BEGAIN: variants seen among roughly 807,000 people sequenced by gnomAD.
The protein encoded by BEGAIN is brain enriched guanylate kinase associated.
BEGAIN carries 19 observed loss-of-function variants against 35.8 expected under a neutral mutation model. That is an observed-to-expected ratio of 0.53 (90% CI 0.37 to 0.78). The LOEUF (loss-of-function observed/expected upper bound fraction) is 0.78, where lower values mean the gene tolerates loss of function less well. BEGAIN is among the 30% of genes least tolerant of loss of function. The probability of loss-of-function intolerance (pLI) is 0.00; values close to 1 mark genes in which losing one functional copy is unlikely to be tolerated. For missense variants in BEGAIN, 795 were observed against 853.6 expected (o/e 0.93, Z 0.85); for synonymous variants, 462 against 388.6 (o/e 1.19, Z -2.22).
intron 2 of BEGAIN, 101 bp from the exon 3 acceptor site, chr14:100,546,763 GGCGCGCGC>G (rs145452191): frequency 1.5e-4 from 110 of 746,952 alleles, no homozygotes; most frequent in African/African-American, 2.0e-4. Context: ...CGCGAGTACC[GGCGCGCGC>G]GCGCGCGCGC....
intron 2 of BEGAIN, among the ~76,000 whole-genome samples, chr14:100,565,976 A>G (rs952490201): frequency 6.6e-6 from 1 of 152,204 alleles, no homozygotes; most frequent in African/African-American, 2.4e-5. Flanking sequence ...TCTGAATCCC[A>G]GGCACCAAAT....
At chr14:100,560,173 C>T (rs1254382660) in intron 2 of BEGAIN, among the ~76,000 whole-genome samples, 2 of 152,226 alleles carry the variant, frequency 1.3e-5, no homozygotes, top group Admixed American at 6.5e-5. Flanking sequence ...GGCACTCAAG[C>T]TCTCAGAGCC....
chr14:100,540,864 G>A lies in BEGAIN; in HGVS notation c.409-285C>T, dbSNP rs1028905161. ...AGATGGGAACCTCCCACAAGGTGGGGGGCAGTGGTAGAAGAAGGAGCCCCA... is the reference window on the plus strand; with the variant it reads ...AGATGGGAACCTCCCACAAGGTGGGAGGCAGTGGTAGAAGAAGGAGCCCCA... On this transcript the variant is annotated intron_variant, in intron 5 of 6. Coordinates refer to ENST00000554140, the MANE Select transcript of BEGAIN (RefSeq NM_001385089.1). 3.3e-5 allele frequency among the ~76,000 whole-genome samples: 5 copies of A among 152,250 alleles called. No homozygotes were observed. The South Asian group carries it at 8.3e-4, about 25-fold the overall frequency.
In BEGAIN at chr14:100,539,116, C is replaced by A; in HGVS notation, c.692G>T (p.Gly231Val). The change falls in exon 7 of 7, where the codon GGG (glycine) becomes GTG (valine). Residue 231 changes from glycine (G) to valine (V), a missense_variant. By Grantham distance (109) the Gly-to-Val change is moderately radical (BLOSUM62 -3). This residue lies in a region of BEGAIN where 664 missense variants were observed against 647.7 expected (regional missense o/e 1.03). Coordinates refer to ENST00000554140, the MANE Select transcript of BEGAIN (RefSeq NM_001385089.1). ...ASARDLAFCDGVEKPGPRPPY... is the reference protein window; with the variant it reads ...ASARDLAFCDVVEKPGPRPPY... ...GGGCCGCGGGCCTGGTTTCTCCACC[C>A]CGTCGCAGAAGGCCAGGTCGCGGGC... 1 of 1,607,866 alleles carries A rather than the reference C, an allele frequency of 6.2e-7. No individual in the cohort carries two copies. The highest frequency in any genetic ancestry group is 8.5e-7 in the Non-Finnish European group (1 of 1,176,078).
At chr14:100,582,647 T>G (rs1172959337) in intron 1 of BEGAIN, among the ~76,000 whole-genome samples, 1 of 152,102 alleles carries the variant, frequency 6.6e-6, no homozygotes, top group Non-Finnish European at 1.5e-5. Context: ...AGATAGGACA[T>G]GTACACAGCT....
intron 5 of BEGAIN, among the ~76,000 whole-genome samples, chr14:100,542,807 C>T (rs10150445): frequency 2.6e-5 from 4 of 152,246 alleles, no homozygotes; most frequent in Admixed American, 1.3e-4. Context: ...CTCGTCCCTA[C>T]AGCCTGTTTC....
At chr14:100,561,348 C>T (rs2034237434) in intron 2 of BEGAIN, among the ~76,000 whole-genome samples, 1 of 152,208 alleles carries the variant, frequency 6.6e-6, no homozygotes, top group African/African-American at 2.4e-5. Context: ...GCTCACAAGC[C>T]AGGTGCATGA....
intron 1 of BEGAIN, among the ~76,000 whole-genome samples, chr14:100,574,932 T>TA (rs2035170806): frequency 6.6e-6 from 1 of 152,330 alleles, no homozygotes; most frequent in South Asian, 2.1e-4. Context: ...TGTTCTCAGA[T>TA]AAACATTGGA....
At chr14:100,575,348 C>T (rs1233320859) in intron 1 of BEGAIN, among the ~76,000 whole-genome samples, 1 of 152,190 alleles carries the variant, frequency 6.6e-6, no homozygotes, top group Non-Finnish European at 1.5e-5. Context: ...GAAGGGCTGG[C>T]ATCGCTATCT....
intron 2 of BEGAIN, chr14:100,549,968 G>A (rs942510342): frequency 6.5e-6 from 1 of 153,524 alleles, no homozygotes; most frequent in African/African-American, 2.4e-5. Flanking sequence ...CACCCTTCCA[G>A]GCCTGGGGGC....
chr14:100,557,390 C>T (rs1314785772), intron 2 of BEGAIN, among the ~76,000 whole-genome samples: 1 of 152,228 alleles, frequency 6.6e-6, no homozygotes, highest in Non-Finnish European at 1.5e-5. Context: ...CTGCTAGAGG[C>T]AGGAGGGGAG....
chr14:100,546,762 C>A (rs531180478), intron 2 of BEGAIN, 100 bp from the exon 3 acceptor site: 1 of 1,050,302 alleles, frequency 9.5e-7, no homozygotes, highest in Non-Finnish European at 1.3e-6. Flanking sequence ...ACGCGAGTAC[C>A]GGCGCGCGCG....
intron 2 of BEGAIN, among the ~76,000 whole-genome samples, chr14:100,552,397 A>AGT (rs756706732): frequency 5.9e-5 from 9 of 152,192 alleles, no homozygotes; most frequent in Non-Finnish European, 1.2e-4. Context: ...TGTGGCGTGG[A>AGT]GGGCATCCCA....
Position 100,538,046 on chromosome 14 carries a change from G to C in BEGAIN, c.1762C>G (p.Pro588Ala). ...AARLSPQQAF[P>A]RTGGSGLSRK... Reference sequence around the variant, plus strand: ...CTCAGCCCCGAGCCACCAGTCCGCGGAAAGGCCTGCTGGGGGCTGAGGCGG... The same window carrying C: ...CTCAGCCCCGAGCCACCAGTCCGCGCAAAGGCCTGCTGGGGGCTGAGGCGG... Residue 588 changes from proline (P) to alanine (A), a missense_variant, in exon 7 of 7, where the codon CCG becomes GCG. Transcript: ENST00000554140. 6.2e-7 allele frequency: 1 copy of C among 1,607,872 alleles called. No homozygotes were observed. Among genetic ancestry groups the C allele is most frequent in the Non-Finnish European group, 8.5e-7 (1 of 1,178,112 alleles).
In BEGAIN at chr14:100,538,496, G is replaced by A. The variant is rs2030967090; in HGVS notation, c.1312C>T (p.Arg438Cys). 2 of 1,541,254 alleles carry A rather than the reference G, an allele frequency of 1.3e-6. No homozygotes were observed. Among genetic ancestry groups the A allele is most frequent in the East Asian group, 2.3e-5 (1 of 43,852 alleles). Residue 438 changes from arginine to cysteine, a missense_variant, in exon 7 of 7, where the codon CGT becomes TGT. Arg to Cys is a radical substitution (Grantham distance 180). Coordinates refer to ENST00000554140, the MANE Select transcript of BEGAIN (RefSeq NM_001385089.1). The stretch of plus-strand genomic sequence containing the variant: ...CCGATGTCCTCCACGCTCAGGGGAC[G>A]CCACTGGCCCCTCATGTCCTCCCCG... ...LPGEDMRGQW[R>C]PLSVEDIGAY...
At chr14:100,547,788 G>A (rs558003176) in intron 2 of BEGAIN, 1 of 152,398 alleles carries the variant, frequency 6.6e-6, no homozygotes, top group African/African-American at 2.4e-5. Context: ...CAGATGTGCT[G>A]TGGGACCTTG....
intron 1 of BEGAIN, chr14:100,578,080 T>C: frequency 2.5e-6 from 1 of 397,860 alleles, no homozygotes; most frequent in East Asian, 3.6e-5. Flanking sequence ...CAGGGCTGCC[T>C]GCCAGATGCC....
intron 1 of BEGAIN, among the ~76,000 whole-genome samples, chr14:100,579,809 G>A (rs1392728485): frequency 6.6e-6 from 1 of 152,140 alleles, no homozygotes; most frequent in Non-Finnish European, 1.5e-5. Context: ...CCTCTTCCCT[G>A]TCCCCGCCCC....
chr14:100,559,623 C>T (rs2034060709), intron 2 of BEGAIN, among the ~76,000 whole-genome samples: 1 of 152,216 alleles, frequency 6.6e-6, no homozygotes, highest in African/African-American at 2.4e-5. Flanking sequence ...CAGATGTGGG[C>T]AAACTTATTA....
Sources: allele counts gnomAD v4.1 joint callset (sites outside exome capture counted in the v4.1 genomes callset), GRCh38; gene constraint gnomAD v4.1.1; regional missense constraint gnomAD v4.1.1; transcripts MANE v1.5; gene names NCBI Gene and HGNC (gene_info 2026-07-23, HGNC 2026-07-21).